Variants in FN1 observed in about 807,000 individuals in gnomAD.
FN1 encodes fibronectin 1, also known as fibronectin.
FN1 carries 106 observed loss-of-function variants against 297.3 expected under a neutral mutation model. The observed-to-expected ratio is 0.36, with a 90% CI of 0.30 to 0.42. The LOEUF (loss-of-function observed/expected upper bound fraction) is 0.42, where lower values mean the gene tolerates loss of function less well. Ranked by LOEUF, FN1 falls within the 10% of genes least tolerant of loss-of-function variation. FN1 has a pLI of 1.00. For synonymous variants in FN1, 1,149 were observed against 1,152.6 expected, an observed-to-expected ratio of 1.00 and a Z score of 0.06; for missense variants, 2,690 against 3,124.9, an observed-to-expected ratio of 0.86 and a Z score of 3.32.
At chr2:215,386,641 A>C (rs1198118108) in intron 28 of FN1, 48 bp downstream of exon 28, 14 of 1,542,282 alleles carry the variant, frequency 9.1e-6, no homozygotes, top group Non-Finnish European at 1.2e-5. Flanking sequence ...GAATCTACCA[A>C]CTGGGTAGGA....
intron 14 of FN1, 75 bp from the exon 15 acceptor site, chr2:215,409,814 T>C (rs568141599): frequency 1.2e-4 from 196 of 1,598,524 alleles, no homozygotes; most frequent in Middle Eastern, 3.3e-4. Flanking sequence ...CCAACATCAT[T>C]TTAAAAAACG....
chr2:215,376,543 T>C lies in FN1; in HGVS notation c.5842A>G (p.Ile1948Val), dbSNP rs766402293. The C allele has an allele frequency of 1.9e-6, 3 of 1,614,098 alleles. No homozygotes were observed. The highest frequency in any genetic ancestry group is 2.2e-5 in the East Asian group (1 of 44,882). Residue 1948 changes from isoleucine (I) to valine (V), a missense_variant, in exon 36 of 46, where the codon ATC becomes GTC. This residue lies in a region of FN1 where 1,743 missense variants were observed against 1,945.2 expected (regional missense o/e 0.90). Transcript: ENST00000354785. ...ACATCTGGCTTGATGGTTCTCTGGA[T>C]TGGAGTCTGGCCATTGGCTGGAACG... ...DAVPANGQTPIQRTIKPDVRS... is the reference protein window; with the variant it reads ...DAVPANGQTPVQRTIKPDVRS...
intron 8 of FN1, 99 bp from the exon 9 acceptor site, chr2:215,423,625 C>A: frequency 9.9e-7 from 1 of 1,008,522 alleles, no homozygotes; most frequent in South Asian, 1.4e-5. Context: ...TTCTGCAGCT[C>A]ATTCACAGAC....
At chr2:215,400,611 G>T (rs2060878590) in intron 20 of FN1, among the ~76,000 whole-genome samples, 1 of 151,710 alleles carries the variant, frequency 6.6e-6, no homozygotes, top group African/African-American at 2.4e-5. Flanking sequence ...AATTAGCCAG[G>T]TGTGATGGTG....
intron 4 of FN1, 62 bp downstream of exon 4, chr2:215,431,771 T>C: frequency 6.3e-7 from 1 of 1,574,874 alleles, no homozygotes. Context: ...GATGTGATTC[T>C]GGTCCAACCC....
intron 23 of FN1, among the ~76,000 whole-genome samples, chr2:215,396,643 A>T (rs1430274593): frequency 6.6e-6 from 1 of 152,118 alleles, no homozygotes. Context: ...GAGTAGGCCA[A>T]TTTTTTCTAA....
At position 215,381,180 on chromosome 2, in the gene FN1, G is replaced by A. The variant is rs1575380739; in HGVS notation, c.5165-100C>T. 4 of 1,185,516 alleles carry A rather than the reference G, an allele frequency of 3.4e-6. No homozygotes were observed. The Admixed American group carries it at 6.8e-5, about 20-fold the overall frequency. 73.4% of individuals were successfully genotyped at this position (1,185,516 alleles called of 1,614,324 possible). On this transcript the variant is annotated intron_variant, in intron 32 of 45. Coordinates refer to ENST00000354785, the MANE Select transcript of FN1 (RefSeq NM_212482.4). ...CAGTTTTGCAGATACCATTTTCTTT[G>A]ATGAAGTCCAATTAACCCACTATCA...
intron 44 of FN1, chr2:215,362,365 A>T (rs577936978): frequency 3.7e-4 from 158 of 427,136 alleles, no homozygotes; most frequent in Admixed American, 2.2e-3. Flanking sequence ...GGCTCATTCC[A>T]ATCCCAACTT....
rs1559475259 is a variant in FN1 at position 215,401,239 on chromosome 2, A to AAGGAAGGAAGGAAGG, written c.3254-1889_3254-1888insCCTTCCTTCCTTCCT. Among the ~76,000 whole-genome samples, 25 of 65,668 alleles carry AAGGAAGGAAGGAAGG rather than the reference A, an allele frequency of 3.8e-4. 4 individuals carry two copies. Among genetic ancestry groups the AAGGAAGGAAGGAAGG allele is most frequent in the African/African-American group, 8.6e-4 (15 of 17,460 alleles). 43.1% of individuals were successfully genotyped at this position (65,668 alleles called of 152,430 possible). ...GAAAGAAAGAAAGAAAGAAAGAAAG[A>AAGGAAGGAAGGAAGG]AAGAAAGAAAGGAAGAAAGAAAGGA... On this transcript the variant is annotated intron_variant, in intron 20 of 45. Coordinates refer to ENST00000354785, the MANE Select transcript of FN1 (RefSeq NM_212482.4).
At chr2:215,393,560 GAAGT>G (rs1236570716) in intron 24 of FN1, 3 of 152,616 alleles carry the variant, frequency 2.0e-5, no homozygotes, top group African/African-American at 7.2e-5. Flanking sequence ...CATAATATCT[GAAGT>G]AAGTATCAGC....
At chr2:215,387,978 T>C (rs2059237166) in intron 27 of FN1, among the ~76,000 whole-genome samples, 4 of 152,212 alleles carry the variant, frequency 2.6e-5, no homozygotes, top group African/African-American at 9.6e-5. Flanking sequence ...AAAATGTTTT[T>C]TAAAAGGACA....
In FN1 at chr2:215,376,616, A is replaced by G; in HGVS notation, c.5769T>C (p.Ile1923=). 1.9e-6 allele frequency: 3 copies of G among 1,613,660 alleles called. No homozygotes were observed. Among genetic ancestry groups the G allele is most frequent in the Non-Finnish European group, 2.5e-6 (3 of 1,179,968 alleles). The part of the protein sequence containing the change: ...VTDATETTIT[I]SWRTKTETIT... The stretch of plus-strand genomic sequence containing the variant: ...TCGTCTCAGTCTTGGTTCTCCAGCT[A>G]ATGGTGATGGTGGTCTCAGTAGCAT... The change falls in exon 36 of 46, where the codon ATT becomes ATC. Residue 1923 remains isoleucine (I), a synonymous_variant. Transcript: ENST00000354785.
Position 215,392,951 on chromosome 2 carries a change from G to T in FN1, c.4049C>A (p.Thr1350Asn). The T allele has an allele frequency of 6.2e-7, 1 of 1,612,808 alleles. No homozygotes were observed. Among genetic ancestry groups the T allele is most frequent in the Non-Finnish European group, 8.5e-7 (1 of 1,180,016 alleles). ...TTCACCCGTTTGTTGTGTCAGTGTA[G>T]TAGGGGCACTCTCGCCGCCATTAAT... Reference protein sequence around the residue: ...TLINGGESAPTTLTQQTAVPP... With the variant: ...TLINGGESAPNTLTQQTAVPP... The change falls in exon 25 of 46, where the codon ACT becomes AAT. Residue 1350 changes from threonine (T) to asparagine (N), a missense_variant. Coordinates refer to ENST00000354785, the MANE Select transcript of FN1 (RefSeq NM_212482.4).
At chr2:215,387,150 A>T (rs897811688) in intron 27 of FN1, among the ~76,000 whole-genome samples, 192 bp from the exon 28 acceptor site, 5 of 152,162 alleles carry the variant, frequency 3.3e-5, no homozygotes, top group African/African-American at 1.2e-4. Context: ...TAAAATCTTA[A>T]ATTGACTCAA....
chr2:215,383,534 A>T, intron 30 of FN1, 51 bp from the exon 31 acceptor site: 1 of 1,577,434 alleles, frequency 6.3e-7, no homozygotes, highest in Non-Finnish European at 8.7e-7. Context: ...CTTGGAGACA[A>T]GATTGGACAA....
chr2:215,403,577 A>C (rs1051576994), intron 20 of FN1, among the ~76,000 whole-genome samples: 2 of 152,236 alleles, frequency 1.3e-5, no homozygotes, highest in Non-Finnish European at 2.9e-5. Context: ...TCAGCTAGAA[A>C]TAAGGAGTCT....
intron 23 of FN1, among the ~76,000 whole-genome samples, chr2:215,396,460 G>C (rs2060323479): frequency 6.6e-6 from 1 of 152,042 alleles, no homozygotes; most frequent in Non-Finnish European, 1.5e-5. Flanking sequence ...TTAGACAAAT[G>C]CTTCATTTAA....
chr2:215,389,995 G>A (rs755680115), intron 26 of FN1, among the ~76,000 whole-genome samples: 1 of 152,026 alleles, frequency 6.6e-6, no homozygotes, highest in Non-Finnish European at 1.5e-5. Flanking sequence ...TCTAAATTTG[G>A]AACTCCTACT....
At chr2:215,424,370 T>C in intron 7 of FN1, 45 bp from the exon 8 acceptor site, 1 of 1,521,886 alleles carries the variant, frequency 6.6e-7, no homozygotes, top group Non-Finnish European at 9.1e-7. Context: ...AGATGCTTTA[T>C]CTCCCACCAG....
Sources: allele counts gnomAD v4.1 joint callset (sites outside exome capture counted in the v4.1 genomes callset), GRCh38; gene constraint gnomAD v4.1.1; regional missense constraint gnomAD v4.1.1; transcripts MANE v1.5; gene names NCBI Gene and HGNC (gene_info 2026-07-23, HGNC 2026-07-21).